The following MYO10 variants were observed in gnomAD, a reference collection of about 807,000 sequenced individuals.
The protein encoded by MYO10 is unconventional myosin-X.
Under a neutral mutation model 257.3 loss-of-function variants are expected in MYO10, and 133 were observed. The observed-to-expected ratio is 0.52, with a 90% CI of 0.45 to 0.60. The LOEUF is 0.60. Among genes scored for constraint, MYO10 ranks in the 20% least tolerant of loss-of-function variants. The pLI, the probability that MYO10 is intolerant of heterozygous loss-of-function variation, is 0.00. For synonymous variants in MYO10, 1,104 were observed against 1,028.6 expected, an observed-to-expected ratio of 1.07 and a Z score of -1.40; for missense variants, 2,399 against 2,635.7, an observed-to-expected ratio of 0.91 and a Z score of 1.97.
At chr5:16,887,295 A>ATT (rs1375407972) in intron 1 of MYO10, among the ~76,000 whole-genome samples, 1 of 152,242 alleles carries the variant, frequency 6.6e-6, no homozygotes, top group Non-Finnish European at 1.5e-5. Flanking sequence ...ATCACCAACA[A>ATT]TACACTAATC....
At chr5:16,669,406 G>T (rs539629004) in intron 39 of MYO10, among the ~76,000 whole-genome samples, 2 of 151,982 alleles carry the variant, frequency 1.3e-5, no homozygotes, top group Admixed American at 6.5e-5. Flanking sequence ...GGGTTTCACC[G>T]TGTTAGCCAG....
chr5:16,820,932 CTTATA>C (rs1289814281), intron 2 of MYO10, among the ~76,000 whole-genome samples: 1 of 146,912 alleles, frequency 6.8e-6, no homozygotes, highest in East Asian at 2.0e-4. Flanking sequence ...TATAAAACAT[CTTATA>C]TATTATATAT....
At chr5:16,886,196 C>T (rs1294548875) in intron 1 of MYO10, among the ~76,000 whole-genome samples, 6 of 152,132 alleles carry the variant, frequency 3.9e-5, no homozygotes, top group Admixed American at 3.9e-4. Flanking sequence ...AAGGAGATGG[C>T]AAGTCAAAGC....
intron 28 of MYO10, among the ~76,000 whole-genome samples, chr5:16,687,462 A>C (rs898777766): frequency 2.0e-5 from 3 of 151,406 alleles, no homozygotes; most frequent in Non-Finnish European, 4.4e-5. Context: ...AGCGCTATCA[A>C]ATATGAAAGA....
chr5:16,847,133 A>T (rs1743658550), intron 2 of MYO10, among the ~76,000 whole-genome samples: 4 of 150,290 alleles, frequency 2.7e-5, no homozygotes, highest in Admixed American at 2.7e-4. Flanking sequence ...GAAAAAAAAA[A>T]GTATTTAAAA....
At chr5:16,711,078 AC>A in intron 20 of MYO10, 42 bp downstream of exon 20, 2 of 1,612,768 alleles carry the variant, frequency 1.2e-6, no homozygotes, top group Non-Finnish European at 1.7e-6. Context: ...GTTTTCTCCA[AC>A]CCCTTTGAAA....
At chr5:16,737,736 T>C (rs1248636109) in intron 19 of MYO10, among the ~76,000 whole-genome samples, 1 of 152,028 alleles carries the variant, frequency 6.6e-6, no homozygotes, top group Non-Finnish European at 1.5e-5. Context: ...TCTGGAGACG[T>C]TGAGAGAGGA....
chr5:16,707,159 C>T (rs1305143714), intron 21 of MYO10, among the ~76,000 whole-genome samples: 2 of 152,212 alleles, frequency 1.3e-5, no homozygotes, highest in Non-Finnish European at 2.9e-5. Flanking sequence ...ACTCTTCCTT[C>T]ATCTTCTGCC....
Position 16,867,464 on chromosome 5 carries a change from TA to T in MYO10, c.120+10144del, listed in dbSNP as rs200148835. On this transcript the variant is annotated intron_variant, in intron 2 of 40. Coordinates refer to ENST00000513610, the MANE Select transcript of MYO10 (RefSeq NM_012334.3). ...TCAAGGGACATAAAAACGACACCAA[TA>T]GGGGCAAAGGGAAGGGGAGGGGGGA... Among the ~76,000 whole-genome samples the T allele has an allele frequency of 7.4e-3, 1,124 of 151,340 alleles. 18 individuals are homozygous for T. The highest frequency in any genetic ancestry group is 0.026 in the African/African-American group (1,066 of 41,174).
At chr5:16,838,955 GA>G (rs1281125905) in intron 2 of MYO10, among the ~76,000 whole-genome samples, 1 of 152,086 alleles carries the variant, frequency 6.6e-6, no homozygotes, top group Non-Finnish European at 1.5e-5. Context: ...CTACTGCTCA[GA>G]AAAAAAGATT....
At chr5:16,785,592 G>A (rs1015472448) in intron 4 of MYO10, among the ~76,000 whole-genome samples, 5 of 152,220 alleles carry the variant, frequency 3.3e-5, no homozygotes, top group African/African-American at 1.2e-4. Flanking sequence ...GGCAGAGGCC[G>A]GGCACTGTGG....
At chr5:16,691,424 C>T (rs569586746) in intron 27 of MYO10, among the ~76,000 whole-genome samples, 41 of 151,948 alleles carry the variant, frequency 2.7e-4, no homozygotes, top group Non-Finnish European at 4.9e-4. Context: ...CAGGGCCGGG[C>T]GTGGCGGCTC....
intron 21 of MYO10, among the ~76,000 whole-genome samples, chr5:16,705,359 T>C (rs1288402221): frequency 1.3e-5 from 2 of 152,228 alleles, no homozygotes; most frequent in Non-Finnish European, 1.5e-5. Context: ...AGCTGTTTGC[T>C]TGCCTATGTC....
intron 28 of MYO10, among the ~76,000 whole-genome samples, chr5:16,687,653 C>T (rs189066566): frequency 4.6e-5 from 7 of 151,866 alleles, no homozygotes; most frequent in African/African-American, 1.5e-4. Context: ...AAATCTATCT[C>T]GCGTGCTTCC....
At chr5:16,737,477 C>G (rs1027271970) in intron 19 of MYO10, among the ~76,000 whole-genome samples, 5 of 152,198 alleles carry the variant, frequency 3.3e-5, no homozygotes, top group Non-Finnish European at 7.3e-5. Flanking sequence ...ACAAAATAGA[C>G]ATTTAACTGA....
intron 2 of MYO10, among the ~76,000 whole-genome samples, chr5:16,867,091 G>A (rs138433164): frequency 1.6e-3 from 242 of 152,354 alleles, no homozygotes; most frequent in African/African-American, 5.1e-3. Flanking sequence ...CTGGCTTTGC[G>A]TGAGAAGCCT....
intron 3 of MYO10, among the ~76,000 whole-genome samples, chr5:16,813,184 G>C (rs1742493881): frequency 6.6e-6 from 1 of 151,976 alleles, no homozygotes; most frequent in Non-Finnish European, 1.5e-5. Flanking sequence ...CGCCAGCAGG[G>C]GGAAAATGCC....
At chr5:16,766,265 C>A in intron 10 of MYO10, 67 bp from the exon 11 acceptor site, 1 of 1,203,880 alleles carries the variant, frequency 8.3e-7, no homozygotes. Context: ...CTTAGCGATA[C>A]CTTAACGCAG....
intron 19 of MYO10, among the ~76,000 whole-genome samples, chr5:16,750,639 T>C (rs1204972309): frequency 6.6e-6 from 1 of 152,024 alleles, no homozygotes; most frequent in African/African-American, 2.4e-5. Context: ...ATGCTACAGG[T>C]CTCTAGGTTA....
Sources: gnomAD v4.1 joint callset for allele counts (sites outside exome capture counted in the v4.1 genomes callset) on GRCh38, gnomAD v4.1.1 for gene constraint, MANE v1.5 for transcripts, NCBI Gene and HGNC (gene_info 2026-07-23, HGNC 2026-07-21) for gene names.